The following CPNE8 variants were observed in gnomAD, a reference collection of about 807,000 sequenced individuals.
CPNE8 encodes the protein copine 8, also known as copine-8.
In CPNE8, 45 loss-of-function variants were observed where a neutral mutation model predicts 81.5. The observed-to-expected ratio is 0.55, with a 90% CI of 0.44 to 0.71. The LOEUF (loss-of-function observed/expected upper bound fraction) is 0.71, where lower values mean the gene tolerates loss of function less well. CPNE8 is among the 30% of genes least tolerant of loss of function. CPNE8 has a pLI of 0.00. For missense variants in CPNE8, 594 were observed against 672.1 expected (o/e 0.88, Z 1.28); for synonymous variants, 252 against 226.3 (o/e 1.11, Z -1.02).
At chr12:38,712,239 T>C (rs996340377) in intron 13 of CPNE8, among the ~76,000 whole-genome samples, 6 of 150,068 alleles carry the variant, frequency 4.0e-5, no homozygotes, top group Non-Finnish European at 7.4e-5. Flanking sequence ...GAGATCTTGC[T>C]CTGTTGCCAG....
intron 11 of CPNE8, among the ~76,000 whole-genome samples, chr12:38,728,212 T>C (rs1940747812): frequency 6.6e-6 from 1 of 152,200 alleles, no homozygotes; most frequent in African/African-American, 2.4e-5. Flanking sequence ...CACACTTTTC[T>C]ATACATAGAA....
intron 13 of CPNE8, among the ~76,000 whole-genome samples, chr12:38,712,099 C>T (rs923166362): frequency 2.0e-5 from 3 of 150,646 alleles, no homozygotes; most frequent in South Asian, 2.1e-4. Context: ...ATTCCATTTT[C>T]GAATAAGAAA....
At chr12:38,782,027 G>A (rs1942064045) in intron 6 of CPNE8, among the ~76,000 whole-genome samples, 1 of 152,076 alleles carries the variant, frequency 6.6e-6, no homozygotes, top group South Asian at 2.1e-4. Flanking sequence ...AAAAATGAGT[G>A]AAATTCAAGT....
intron 14 of CPNE8, among the ~76,000 whole-genome samples, chr12:38,697,367 T>G (rs1178470589): frequency 2.0e-5 from 3 of 152,238 alleles, no homozygotes; most frequent in Non-Finnish European, 4.4e-5. Context: ...TTTTGTTTAT[T>G]GCAGAATAGT....
At chr12:38,735,392 G>C (rs1940930212) in intron 10 of CPNE8, among the ~76,000 whole-genome samples, 1 of 152,014 alleles carries the variant, frequency 6.6e-6, no homozygotes, top group African/African-American at 2.4e-5. Context: ...GAGTTTTTCA[G>C]AGGTGACTGG....
chr12:38,772,269 T>C (rs560040268), intron 7 of CPNE8, among the ~76,000 whole-genome samples: 1 of 152,272 alleles, frequency 6.6e-6, no homozygotes, highest in African/African-American at 2.4e-5. Flanking sequence ...AATAAACTTC[T>C]TTTTAAAAAT....
chr12:38,791,296 T>C (rs1942316804), intron 6 of CPNE8, among the ~76,000 whole-genome samples: 1 of 151,508 alleles, frequency 6.6e-6, no homozygotes, highest in Non-Finnish European at 1.5e-5. Context: ...ATCTCAGGTA[T>C]TTCTTCTTCT....
chr12:38,707,890 C>T (rs1187093037), intron 13 of CPNE8, among the ~76,000 whole-genome samples: 1 of 152,134 alleles, frequency 6.6e-6, no homozygotes, highest in Non-Finnish European at 1.5e-5. Flanking sequence ...TATGGAGCAC[C>T]TTTCAATTGC....
chr12:38,794,406 C>A (rs10876086), intron 6 of CPNE8, among the ~76,000 whole-genome samples: 43,769 of 151,770 alleles, frequency 0.29, 8,190 homozygotes, highest in Non-Finnish European at 0.41. Flanking sequence ...ATACAAATTG[C>A]CAAATAAGTA....
At chr12:38,861,808 A>G (rs1392309214) in intron 3 of CPNE8, among the ~76,000 whole-genome samples, 1 of 152,170 alleles carries the variant, frequency 6.6e-6, no homozygotes, top group African/African-American at 2.4e-5. Context: ...GGAATCTACT[A>G]AAGATTGATT....
At chr12:38,764,433 C>T (rs912703230) in intron 8 of CPNE8, among the ~76,000 whole-genome samples, 11 of 150,854 alleles carry the variant, frequency 7.3e-5, no homozygotes, top group South Asian at 6.3e-4. Context: ...CCGGCTAAAA[C>T]GGTGAAACCC....
intron 6 of CPNE8, among the ~76,000 whole-genome samples, chr12:38,818,486 T>C (rs905130662): frequency 3.3e-5 from 5 of 152,226 alleles, no homozygotes; most frequent in Admixed American, 2.0e-4. Flanking sequence ...GTCTGCACAG[T>C]ATTCTATGGT....
At chr12:38,846,982 T>C (rs374786079) in intron 4 of CPNE8, among the ~76,000 whole-genome samples, 74 of 152,148 alleles carry the variant, frequency 4.9e-4, no homozygotes, top group African/African-American at 1.6e-3. Flanking sequence ...TAAAAGGATA[T>C]CTGCAAAATA....
chr12:38,714,373 C>G (rs530921413), intron 13 of CPNE8, among the ~76,000 whole-genome samples: 1 of 151,862 alleles, frequency 6.6e-6, no homozygotes, highest in Admixed American at 6.6e-5. Flanking sequence ...TTTAGGTAGA[C>G]AATTGTATTC....
At chr12:38,669,122 G>C (rs1314910163) in intron 19 of CPNE8, among the ~76,000 whole-genome samples, 2 of 151,946 alleles carry the variant, frequency 1.3e-5, no homozygotes, top group African/African-American at 2.4e-5. Flanking sequence ...ATATCACCAG[G>C]TTCTTTTTCC....
chr12:38,774,707 C>G (rs1941889001), intron 7 of CPNE8, among the ~76,000 whole-genome samples: 2 of 151,930 alleles, frequency 1.3e-5, no homozygotes, highest in South Asian at 4.1e-4. Flanking sequence ...AGTCAAGTGT[C>G]TTGATTAGAC....
rs144335676 is a variant in CPNE8, at chr12:38,763,532, T to C, written c.576-1316A>G. ...GTTCTTTCTTTATCTAAACTATTGG[T>C]TCTATATATCTAAAGAATTCCTAAG... On this transcript the variant is annotated intron_variant, in intron 8 of 19. Coordinates refer to ENST00000331366, the MANE Select transcript of CPNE8 (RefSeq NM_153634.3). 1.1e-4 allele frequency among the ~76,000 whole-genome samples: 17 copies of C among 152,312 alleles called. No homozygotes were observed. The East Asian group carries it at 3.3e-3, about 29-fold the overall frequency.
intron 3 of CPNE8, among the ~76,000 whole-genome samples, chr12:38,859,011 T>C (rs1943789172): frequency 6.6e-6 from 1 of 152,086 alleles, no homozygotes; most frequent in Non-Finnish European, 1.5e-5. Flanking sequence ...GGTGAAAAAC[T>C]GAAAGCTTTT....
chr12:38,792,397 G>T (rs1420398265), intron 6 of CPNE8, among the ~76,000 whole-genome samples: 1 of 150,252 alleles, frequency 6.7e-6, no homozygotes, highest in Non-Finnish European at 1.5e-5. Context: ...TGAAAGAGGG[G>T]ACAATACAAC....
Sources: allele counts gnomAD v4.1 joint callset (sites outside exome capture counted in the v4.1 genomes callset), GRCh38; gene constraint gnomAD v4.1.1; transcripts MANE v1.5; gene names NCBI Gene and HGNC (gene_info 2026-07-23, HGNC 2026-07-21).